The following MYLK4 variants were observed in gnomAD, a reference collection of about 807,000 sequenced individuals.
The protein encoded by MYLK4 is caMLCK like.
Under a neutral mutation model 48.1 loss-of-function variants are expected in MYLK4, and 46 were observed. The ratio of observed to expected loss-of-function variants is 0.96; its 90% CI spans 0.75 to 1.22. The LOEUF is 1.22. Among genes scored for constraint, MYLK4 ranks in the 50% most tolerant of loss-of-function variants. MYLK4 has a pLI of 0.00. For synonymous variants in MYLK4, 170 were observed against 180.8 expected, an observed-to-expected ratio of 0.94 and a Z score of 0.48; for missense variants, 451 against 486.1, an observed-to-expected ratio of 0.93 and a Z score of 0.68.
chr6:2,761,971 TTG>T, the MYLK4 span, among the ~76,000 whole-genome samples: 1 of 152,170 alleles, frequency 6.6e-6, no homozygotes, highest in African/African-American at 2.4e-5. Context: ...GAATGCAGTG[TTG>T]TGATTTCGGC....
At chr6:2,680,379 C>T (rs1365264715) in intron 7 of MYLK4, 88 bp from the exon 8 acceptor site, 1 of 1,595,022 alleles carries the variant, frequency 6.3e-7, no homozygotes, top group African/African-American at 1.3e-5. Flanking sequence ...TACAACGATG[C>T]TCAGAAAAAA....
intron 2 of MYLK4, among the ~76,000 whole-genome samples, chr6:2,705,858 C>T (rs1195324957): frequency 6.6e-6 from 1 of 151,040 alleles, no homozygotes; most frequent in South Asian, 2.1e-4. Context: ...ATTTTAGAAG[C>T]TCAAAATAAG....
intron 2 of MYLK4, among the ~76,000 whole-genome samples, chr6:2,746,861 G>C (rs1360313057): frequency 6.6e-6 from 1 of 152,246 alleles, no homozygotes; most frequent in Non-Finnish European, 1.5e-5. Context: ...CATCTGAGCT[G>C]CTGGAATGTC....
the MYLK4 span, among the ~76,000 whole-genome samples, chr6:2,759,517 T>C: frequency 6.6e-6 from 1 of 152,236 alleles, no homozygotes; most frequent in South Asian, 2.1e-4. Flanking sequence ...CTTATCATTA[T>C]GTAGGACTTA....
At chr6:2,765,182 A>ACCCCCCCCCCCCCCCCCCCCCCCCC in the MYLK4 span, among the ~76,000 whole-genome samples, 6 of 72,918 alleles carry the variant, frequency 8.2e-5, 1 homozygote, top group South Asian at 1.1e-3. Flanking sequence ...TCGCCTCGCA[A>ACCCCCCCCCCCCCCCCCCCCCCCCC]CCCCCCCCCC....
At chr6:2,767,043 A>C in the MYLK4 span, among the ~76,000 whole-genome samples, 4 of 152,224 alleles carry the variant, frequency 2.6e-5, no homozygotes, top group African/African-American at 9.6e-5. Flanking sequence ...AAACTTTTTC[A>C]TCTGCAAGTC....
Position 2,680,562 on chromosome 6 carries a change from GC to G in MYLK4, c.688-272del, listed in dbSNP as rs764060910. 8 of 985,424 alleles carry G rather than the reference GC, an allele frequency of 8.1e-6. No homozygotes were observed. In the South Asian group the frequency reaches 2.8e-4, roughly 35 times the overall value. The allele number at this position is 985,424 out of a possible 1,614,324, so 61.0% of individuals were successfully genotyped here. On this transcript the variant is annotated intron_variant, in intron 7 of 12. Coordinates refer to ENST00000274643, the MANE Select transcript of MYLK4 (RefSeq NM_001012418.5). ...AGTTCAGGCAGAGGCCTTGAGGGGA[GC>G]AAGAAAAGGAGGTTGCTTCAGTCCT... is the stretch of plus-strand genomic sequence containing the variant.
At chr6:2,753,733 C>T (rs1764354378), upstream of MYLK4, among the ~76,000 whole-genome samples, 1 of 151,740 alleles carries the variant, frequency 6.6e-6, no homozygotes, top group South Asian at 2.1e-4. Context: ...ACAGACCTCA[C>T]CAAAGAAGAT....
At chr6:2,715,842 C>T (rs997450846) in intron 2 of MYLK4, among the ~76,000 whole-genome samples, 1 of 152,170 alleles carries the variant, frequency 6.6e-6, no homozygotes, top group Non-Finnish European at 1.5e-5. Flanking sequence ...TTTGCATAGT[C>T]AAATAACTCA....
intron 2 of MYLK4, among the ~76,000 whole-genome samples, chr6:2,745,665 C>G (rs1206170047): frequency 6.6e-6 from 1 of 152,164 alleles, no homozygotes; most frequent in East Asian, 1.9e-4. Flanking sequence ...CAGCTCATGC[C>G]TGTAATTCCA....
At chr6:2,674,899 T>G in intron 11 of MYLK4, 148 bp downstream of exon 11, 1 of 690,082 alleles carries the variant, frequency 1.4e-6, no homozygotes, top group Admixed American at 3.1e-5. Flanking sequence ...AAAAAGCATT[T>G]TAAGTAATTT....
chr6:2,768,925 A>G, the MYLK4 span: 1 of 1,559,002 alleles, frequency 6.4e-7, no homozygotes, highest in Non-Finnish European at 8.7e-7. Flanking sequence ...GTGAACATCA[A>G]ACAATATAAA....
intron 2 of MYLK4, among the ~76,000 whole-genome samples, chr6:2,738,397 T>C (rs911191668): frequency 2.0e-5 from 3 of 152,246 alleles, no homozygotes; most frequent in African/African-American, 7.2e-5. Flanking sequence ...GTTTATAATC[T>C]TCCAGCCTTA....
chr6:2,692,855 T>A lies in MYLK4; in HGVS notation c.164A>T (p.Lys55Met), dbSNP rs766599341. The A allele has an allele frequency of 2.5e-6, 4 of 1,612,692 alleles. No homozygotes were observed. In the Admixed American group the frequency reaches 6.7e-5, roughly 27 times the overall value. Residue 55 changes from lysine to methionine, a missense_variant, in exon 3 of 13, where the codon AAG becomes ATG. Transcript: ENST00000274643. ...CAGGTCGGCGTTTGACCACACCTCCTTCGCCTGTGGAGGCACAATTGAGTA... is the reference window on the plus strand; with the variant it reads ...CAGGTCGGCGTTTGACCACACCTCCATCGCCTGTGGAGGCACAATTGAGTA... ...QDSRSGHNEA[K>M]EVWSNADLTE... is the part of the protein sequence containing the mutation.
intron 9 of MYLK4, 79 bp downstream of exon 9, chr6:2,679,201 G>A (rs1761201613): frequency 8.5e-6 from 13 of 1,535,458 alleles, no homozygotes; most frequent in Non-Finnish European, 1.1e-5. Context: ...CCCAATTGGG[G>A]CTTTTATTTA....
the MYLK4 span, chr6:2,765,728 C>T: frequency 5.9e-6 from 9 of 1,532,448 alleles, no homozygotes; most frequent in East Asian, 2.7e-5. Context: ...CAACTCGCAC[C>T]TGGACCGCTG....
At chr6:2,770,057 C>G in the MYLK4 span, 69 of 1,603,092 alleles carry the variant, frequency 4.3e-5, no homozygotes, top group Non-Finnish European at 5.7e-5. Flanking sequence ...AGCCAACTTA[C>G]ATAGGATTCT....
At chr6:2,754,696 T>A (rs191365469), upstream of MYLK4, among the ~76,000 whole-genome samples, 1 of 152,126 alleles carries the variant, frequency 6.6e-6, no homozygotes, top group African/African-American at 2.4e-5. Flanking sequence ...GAAAACCCAA[T>A]AATATGATTA....
chr6:2,718,040 A>C (rs6596902), intron 2 of MYLK4, among the ~76,000 whole-genome samples: 129,564 of 151,966 alleles, frequency 0.85, 55,324 homozygotes, highest in Admixed American at 0.89. Context: ...ATTAGCTGGG[A>C]GTGGTGGCGC....
Sources: gnomAD v4.1 joint callset for allele counts (sites outside exome capture counted in the v4.1 genomes callset) on GRCh38, gnomAD v4.1.1 for gene constraint, MANE v1.5 for transcripts, NCBI Gene and HGNC (gene_info 2026-07-23, HGNC 2026-07-21) for gene names.